KHDRBS2: variants seen among roughly 807,000 people sequenced by gnomAD.
KHDRBS2 encodes KH domain-containing, RNA-binding, signal transduction-associated protein 2.
KHDRBS2 carries 26 observed loss-of-function variants against 44.3 expected under a neutral mutation model. The ratio of observed to expected loss-of-function variants is 0.59; its 90% confidence interval spans 0.43 to 0.81. The LOEUF is 0.81. Ranked by LOEUF, KHDRBS2 falls within the 40% of genes least tolerant of loss-of-function variation. The probability of loss-of-function intolerance (pLI) is 0.00; values close to 1 mark genes in which losing one functional copy is unlikely to be tolerated. For synonymous variants in KHDRBS2, 194 were observed against 151.1 expected (o/e 1.28, Z -2.08); for missense variants, 476 against 433.1 (o/e 1.10, Z -0.88).
the KHDRBS2 span, among the ~76,000 whole-genome samples, chr6:61,634,952 CA>C: frequency 0.059 from 8,988 of 151,732 alleles, 404 homozygotes; most frequent in Non-Finnish European, 0.089. Context: ...AGCTAACTGC[CA>C]AAAAAAGAAG....
chr6:61,718,349 A>T (rs959772810), intron 7 of KHDRBS2, among the ~76,000 whole-genome samples: 9 of 152,096 alleles, frequency 5.9e-5, no homozygotes, highest in African/African-American at 2.2e-4. Flanking sequence ...TATACATTGT[A>T]TTTAAAAGCA....
the KHDRBS2 span, among the ~76,000 whole-genome samples, chr6:61,629,600 G>T: frequency 2.6e-5 from 4 of 152,272 alleles, no homozygotes; most frequent in East Asian, 1.9e-4. Flanking sequence ...ATAAGTGACT[G>T]CAGGGAATTC....
chr6:62,244,608 T>G (rs1180690686), intron 1 of KHDRBS2, among the ~76,000 whole-genome samples: 1 of 152,140 alleles, frequency 6.6e-6, no homozygotes, highest in Non-Finnish European at 1.5e-5. Flanking sequence ...TTTTTTTTCA[T>G]TTTTCAACAT....
At chr6:61,602,439 G>A in the KHDRBS2 span, among the ~76,000 whole-genome samples, 19 of 152,084 alleles carry the variant, frequency 1.2e-4, no homozygotes, top group Non-Finnish European at 2.6e-4. Context: ...CCTAAGCTGT[G>A]TCCCATCTGT....
chr6:62,130,139 G>A (rs142337720), intron 2 of KHDRBS2, among the ~76,000 whole-genome samples: 28 of 152,208 alleles, frequency 1.8e-4, no homozygotes, highest in African/African-American at 6.3e-4. Context: ...AATAAAAGCA[G>A]GTGAAATCAT....
At chr6:61,807,908 G>C (rs1292058357) in intron 6 of KHDRBS2, among the ~76,000 whole-genome samples, 4 of 152,028 alleles carry the variant, frequency 2.6e-5, no homozygotes, top group Admixed American at 2.6e-4. Context: ...TACATACGGA[G>C]ATTGTAACAA....
chr6:62,056,128 G>A (rs942424082), intron 2 of KHDRBS2, among the ~76,000 whole-genome samples: 4 of 151,746 alleles, frequency 2.6e-5, no homozygotes, highest in African/African-American at 9.7e-5. Context: ...TTGAATTGTG[G>A]GTTATAACTA....
At chr6:61,663,507 A>ATATG in the KHDRBS2 span, among the ~76,000 whole-genome samples, 6 of 88,030 alleles carry the variant, frequency 6.8e-5, 1 homozygote, top group African/African-American at 2.7e-4. Context: ...CACCATATAT[A>ATATG]TATATATATA....
chr6:61,720,466 C>T (rs1376897570), intron 7 of KHDRBS2, among the ~76,000 whole-genome samples: 1 of 152,080 alleles, frequency 6.6e-6, no homozygotes, highest in African/African-American at 2.4e-5. Context: ...TAATGATTGC[C>T]ATTCTAACTG....
chr6:61,884,434 G>A (rs778679119), intron 6 of KHDRBS2, among the ~76,000 whole-genome samples: 2 of 151,984 alleles, frequency 1.3e-5, no homozygotes, highest in African/African-American at 4.8e-5. Flanking sequence ...AACCCTTAGA[G>A]AAAATATGAA....
chr6:61,814,127 A>G, intron 6 of KHDRBS2: 1 of 448,820 alleles, frequency 2.2e-6, no homozygotes, highest in Admixed American at 2.4e-5. Context: ...GAGTGATTCT[A>G]TGATTCTTTG....
chr6:61,878,398 A>G (rs1305018226), intron 6 of KHDRBS2, among the ~76,000 whole-genome samples: 2 of 152,036 alleles, frequency 1.3e-5, no homozygotes, highest in Admixed American at 1.3e-4. Flanking sequence ...ATGTTCACTT[A>G]TAGTCCAGGT....
intron 7 of KHDRBS2, among the ~76,000 whole-genome samples, chr6:61,723,574 C>CAAAA (rs575590921): frequency 2.0e-5 from 3 of 150,474 alleles, no homozygotes; most frequent in Non-Finnish European, 3.0e-5. Context: ...AACAAACAAA[C>CAAAA]AAAAAAACAA....
chr6:62,200,211 C>A (rs527959109), intron 1 of KHDRBS2, among the ~76,000 whole-genome samples: 2 of 152,210 alleles, frequency 1.3e-5, no homozygotes, highest in African/African-American at 4.8e-5. Flanking sequence ...AAAGCAATGG[C>A]AACAGAAGCC....
At chr6:62,157,514 G>C (rs766025528) in intron 2 of KHDRBS2, among the ~76,000 whole-genome samples, 1 of 152,098 alleles carries the variant, frequency 6.6e-6, no homozygotes, top group Non-Finnish European at 1.5e-5. Flanking sequence ...ATAAGCAACA[G>C]CATCAATTTT....
At chr6:61,670,658 A>G in the KHDRBS2 span, among the ~76,000 whole-genome samples, 1 of 151,454 alleles carries the variant, frequency 6.6e-6, no homozygotes, top group Non-Finnish European at 1.5e-5. Context: ...ATAAGTGTTC[A>G]TTTCTAATTT....
At chr6:61,701,962 G>A (rs1249072467) in intron 7 of KHDRBS2, among the ~76,000 whole-genome samples, 1 of 151,890 alleles carries the variant, frequency 6.6e-6, no homozygotes, top group Non-Finnish European at 1.5e-5. Context: ...GTGGAGATGT[G>A]CATATTTTCT....
intron 4 of KHDRBS2, among the ~76,000 whole-genome samples, chr6:61,934,307 A>G (rs1187110369): frequency 6.6e-6 from 1 of 152,120 alleles, no homozygotes; most frequent in Non-Finnish European, 1.5e-5. Context: ...GGTTAGATGT[A>G]ATTCCATTCG....
rs547940072 is a variant in KHDRBS2, at chr6:61,910,928, C to T, written c.484-9557G>A. ...TACACATGATATACGAGCTTTATTT[C>T]ATTTAAAGTCAAAATAGGCGTTGAT... is the stretch of plus-strand genomic sequence containing the variant. On this transcript the variant is annotated intron_variant, in intron 4 of 8. Coordinates refer to ENST00000281156, the MANE Select transcript of KHDRBS2 (RefSeq NM_152688.4). 4.8e-3 allele frequency among the ~76,000 whole-genome samples: 735 copies of T among 152,254 alleles called. 6 individuals carry two copies. Among genetic ancestry groups the T allele is most frequent in the African/African-American group, 0.017 (707 of 41,542 alleles).
Sources: allele counts gnomAD v4.1 joint callset (sites outside exome capture counted in the v4.1 genomes callset), GRCh38; gene constraint gnomAD v4.1.1; transcripts MANE v1.5; gene names NCBI Gene and HGNC (gene_info 2026-07-23, HGNC 2026-07-21).